DEUP1: variants seen among roughly 807,000 people sequenced by gnomAD.
DEUP1 encodes the protein coiled-coil domain containing 67.
In DEUP1, 82 loss-of-function variants were observed where a neutral mutation model predicts 87.4. That is an observed-to-expected ratio of 0.94 (90% CI 0.78 to 1.13). DEUP1 has a LOEUF of 1.13. DEUP1 is among the 50% of genes most tolerant of loss of function. DEUP1 has a pLI of 0.00. For missense variants in DEUP1, 663 were observed against 681.5 expected, an observed-to-expected ratio of 0.97 and a Z score of 0.30; for synonymous variants, 214 against 222.7, an observed-to-expected ratio of 0.96 and a Z score of 0.35.
intron 10 of DEUP1, among the ~76,000 whole-genome samples, chr11:93,395,128 G>A (rs1187121507): frequency 6.6e-6 from 1 of 152,154 alleles, no homozygotes; most frequent in African/African-American, 2.4e-5. Context: ...TACTGAACAT[G>A]CAGTCAATGC....
intron 5 of DEUP1, among the ~76,000 whole-genome samples, 193 bp downstream of exon 5, chr11:93,364,487 G>T (rs1189306533): frequency 6.6e-6 from 1 of 151,256 alleles, no homozygotes; most frequent in African/African-American, 2.4e-5. Context: ...ACATCACTTT[G>T]ATGTATACAT....
intron 12 of DEUP1, chr11:93,411,164 G>T (rs1439165550): frequency 6.6e-6 from 1 of 152,192 alleles, no homozygotes; most frequent in African/African-American, 2.4e-5. Context: ...ACTGAAAAAT[G>T]AAATCATCTT....
In DEUP1 at chr11:93,357,058, T is replaced by G. The variant is rs1470749517; in HGVS notation, c.297+15T>G. 1.5e-6 allele frequency: 2 copies of G among 1,371,952 alleles called. No homozygotes were observed. Among genetic ancestry groups the G allele is most frequent in the South Asian group, 2.7e-5 (2 of 74,362 alleles). 85.0% of individuals were successfully genotyped at this position (1,371,952 alleles called of 1,614,324 possible). On this transcript the variant is annotated intron_variant, in intron 4 of 13. Coordinates refer to ENST00000298050, the MANE Select transcript of DEUP1 (RefSeq NM_181645.4). ...TAAAGGCTCAAGTAAGAAAACTTAT[T>G]ATAATTTAATATCACACATTTTGAT...
intron 7 of DEUP1, among the ~76,000 whole-genome samples, chr11:93,373,624 C>T (rs60513542): frequency 0.23 from 18,276 of 78,534 alleles, 2,995 homozygotes; most frequent in African/African-American, 0.47. Context: ...TATATATATA[C>T]GTATATATAT....
rs1946873556 is a variant in DEUP1, at chr11:93,394,527, C to T, written c.1110C>T (p.Ile370=). 1 of 1,609,764 alleles carries T rather than the reference C, an allele frequency of 6.2e-7. No homozygotes were observed. Among genetic ancestry groups the T allele is most frequent in the Non-Finnish European group, 8.5e-7 (1 of 1,177,866 alleles). ...NSEQERMRNE[I]SDLTEELHQK... is the part of the protein sequence containing the mutation. ...AGCAGGAAAGAATGAGGAATGAAAT[C>T]TCTGACCTAACAGAAGAGCTTCATC... Residue 370 remains isoleucine, a synonymous_variant, in exon 10 of 14, where the codon ATC becomes ATT. Coordinates refer to ENST00000298050, the MANE Select transcript of DEUP1 (RefSeq NM_181645.4).
intron 7 of DEUP1, among the ~76,000 whole-genome samples, chr11:93,373,613 G>GTATATATATACGTATATATATATATATA (rs1224585529): frequency 2.0e-5 from 1 of 51,098 alleles, no homozygotes; most frequent in East Asian, 7.9e-4. Context: ...ATTTATATAT[G>GTATATATATACGTATATATATATATATA]TATATATATA....
At chr11:93,372,934 G>A (rs1485624701) in intron 7 of DEUP1, among the ~76,000 whole-genome samples, 1 of 152,184 alleles carries the variant, frequency 6.6e-6, no homozygotes, top group Non-Finnish European at 1.5e-5. Context: ...ACCTCCGACT[G>A]TCTGAGCTGT....
intron 4 of DEUP1, among the ~76,000 whole-genome samples, chr11:93,358,078 G>A (rs1038797775): frequency 6.6e-6 from 1 of 152,030 alleles, no homozygotes; most frequent in Non-Finnish European, 1.5e-5. Flanking sequence ...ATTACATATT[G>A]GTCAATATAA....
chr11:93,402,896 A>C (rs1472320878), intron 11 of DEUP1, among the ~76,000 whole-genome samples: 1 of 151,858 alleles, frequency 6.6e-6, no homozygotes, highest in Non-Finnish European at 1.5e-5. Context: ...AATGAAGAGA[A>C]GTTGGTTAAC....
intron 5 of DEUP1, 61 bp from the exon 6 acceptor site, chr11:93,370,012 T>C: frequency 1.2e-6 from 1 of 804,948 alleles, no homozygotes; most frequent in Non-Finnish European, 2.0e-6. Flanking sequence ...AGAAGCCTTA[T>C]TTGCTGTACT....
At chr11:93,363,690 A>T (rs1945284578) in intron 4 of DEUP1, among the ~76,000 whole-genome samples, 1 of 151,928 alleles carries the variant, frequency 6.6e-6, no homozygotes, top group Non-Finnish European at 1.5e-5. Flanking sequence ...AAATTTATTT[A>T]AACGTATCCA....
At chr11:93,373,593 ACGTATATATATT>A (rs1945850831) in intron 7 of DEUP1, among the ~76,000 whole-genome samples, 1 of 137,010 alleles carries the variant, frequency 7.3e-6, no homozygotes, top group Admixed American at 7.8e-5. Context: ...ATATATATAT[ACGTATATATATT>A]TATATATGTA....
intron 7 of DEUP1, among the ~76,000 whole-genome samples, chr11:93,377,171 A>G (rs956949509): frequency 2.6e-5 from 4 of 151,996 alleles, no homozygotes; most frequent in Admixed American, 6.6e-5. Context: ...TTCTTGGTTG[A>G]CTTTCTGTCT....
At chr11:93,416,708 C>T (rs2134453754) in intron 13 of DEUP1, among the ~76,000 whole-genome samples, 1 of 151,926 alleles carries the variant, frequency 6.6e-6, no homozygotes, top group African/African-American at 2.4e-5. Context: ...ATACCAAAGC[C>T]TGGCAGAGAC....
intron 3 of DEUP1, 144 bp downstream of exon 3, chr11:93,355,686 G>A (rs1944861583): frequency 2.8e-6 from 2 of 704,690 alleles, no homozygotes; most frequent in Non-Finnish European, 2.2e-6. Flanking sequence ...GCAAATTATA[G>A]GCTAAATGTA....
chr11:93,414,883 C>T, intron 12 of DEUP1, 117 bp from the exon 13 acceptor site: 1 of 480,602 alleles, frequency 2.1e-6, no homozygotes, highest in Non-Finnish European at 3.7e-6. Context: ...GGTAACAAGC[C>T]CAAACATTTT....
At chr11:93,343,265 C>T (rs1164800159) in intron 2 of DEUP1, among the ~76,000 whole-genome samples, 6 of 152,164 alleles carry the variant, frequency 3.9e-5, no homozygotes, top group Admixed American at 3.9e-4. Flanking sequence ...CAGCCAGCTC[C>T]AGGTTTAATA....
At chr11:93,405,980 G>A (rs557693117) in intron 11 of DEUP1, among the ~76,000 whole-genome samples, 9 of 152,000 alleles carry the variant, frequency 5.9e-5, no homozygotes, top group East Asian at 1.9e-4. Context: ...CACAACTCAC[G>A]TATATTCGAA....
chr11:93,378,445 T>C (rs566880306), intron 7 of DEUP1, among the ~76,000 whole-genome samples: 21 of 152,210 alleles, frequency 1.4e-4, no homozygotes, highest in African/African-American at 3.9e-4. Flanking sequence ...GTCCTTCATT[T>C]CCAGAAGTTG....
Sources: gnomAD v4.1 joint callset for allele counts (sites outside exome capture counted in the v4.1 genomes callset) on GRCh38, gnomAD v4.1.1 for gene constraint, MANE v1.5 for transcripts, NCBI Gene and HGNC (gene_info 2026-07-23, HGNC 2026-07-21) for gene names.